NDE1: variants seen among roughly 807,000 people sequenced by gnomAD.
NDE1 encodes nuclear distribution protein nudE homolog 1.
Under a neutral mutation model 43.4 loss-of-function variants are expected in NDE1, and 28 were observed. The ratio of observed to expected loss-of-function variants is 0.65; its 90% confidence interval spans 0.48 to 0.89. The LOEUF is 0.89. Among genes scored for constraint, NDE1 ranks in the 40% least tolerant of loss-of-function variants. The probability of loss-of-function intolerance (pLI) is 0.00; values close to 1 mark genes in which losing one functional copy is unlikely to be tolerated. For synonymous variants in NDE1, 184 were observed against 172.0 expected, an observed-to-expected ratio of 1.07 and a Z score of -0.55; for missense variants, 441 against 434.1, an observed-to-expected ratio of 1.02 and a Z score of -0.14.
chr16:15,715,740 T>C (rs549044808), intron 8 of NDE1, among the ~76,000 whole-genome samples: 1 of 152,268 alleles, frequency 6.6e-6, no homozygotes, highest in East Asian at 1.9e-4. Flanking sequence ...CTTGAACTCC[T>C]GGCTCAAGCA....
At chr16:15,721,183 T>C (rs984762902) in intron 8 of NDE1, 2 of 1,058,928 alleles carry the variant, frequency 1.9e-6, no homozygotes, top group African/African-American at 3.1e-5. Flanking sequence ...TGGCCGGGAC[T>C]CAAGATGACC....
intron 2 of NDE1, 118 bp downstream of exon 2, chr16:15,664,979 T>C: frequency 1.3e-6 from 1 of 768,130 alleles, no homozygotes; most frequent in Non-Finnish European, 2.2e-6. Flanking sequence ...CACAGCCGCC[T>C]TAAACTCCTG....
intron 8 of NDE1, chr16:15,720,444 C>T: frequency 1.6e-6 from 2 of 1,277,846 alleles, no homozygotes; most frequent in Non-Finnish European, 2.2e-6. Flanking sequence ...TCCCCAGTTG[C>T]AGATGAGAAA....
chr16:15,650,414 G>A (rs368311870), intron 1 of NDE1, 120 bp downstream of exon 1: 2 of 162,166 alleles, frequency 1.2e-5, no homozygotes, highest in African/African-American at 4.8e-5. Flanking sequence ...GCCTGGCAGG[G>A]ACCCCTACGC....
In NDE1 at chr16:15,708,006, C is replaced by T. The variant is rs112651119; in HGVS notation, c.947+11146C>T. ...CAAAATCCCAGAGCAGCAGAGACCT[C>T]TTCATGCTTTCTTGGGAAGGGCCCT... On this transcript the variant is annotated intron_variant, in intron 8 of 8. Coordinates refer to ENST00000396354, the MANE Select transcript of NDE1 (RefSeq NM_017668.3). Among the ~76,000 whole-genome samples, 1,510 of 151,020 alleles carry T rather than the reference C, an allele frequency of 1.0e-2. 32 individuals carry two copies. Among genetic ancestry groups the T allele is most frequent in the African/African-American group, 0.034 (1,386 of 41,072 alleles).
At chr16:15,644,323 G>T (rs187688432) in intron 1 of NDE1, among the ~76,000 whole-genome samples, 1 of 152,310 alleles carries the variant, frequency 6.6e-6, no homozygotes, top group African/African-American at 2.4e-5. Flanking sequence ...CCATTACGTG[G>T]GGATTAACAC....
Position 15,721,034 on chromosome 16 carries a change from C to G in NDE1, c.948-3157C>G. 1 of 1,614,026 alleles carries G rather than the reference C, an allele frequency of 6.2e-7. No individual in the cohort carries two copies. Among genetic ancestry groups the G allele is most frequent in the Non-Finnish European group, 8.5e-7 (1 of 1,180,016 alleles). On this transcript the variant is annotated intron_variant, in intron 8 of 8. Coordinates refer to ENST00000396354, the MANE Select transcript of NDE1 (RefSeq NM_017668.3). The stretch of plus-strand genomic sequence containing the variant: ...TCTGGGTCTCCAGGGCCCGCTTGGA[C>G]TTCTCCAGCTCATGGACCTGCCGGC...
chr16:15,701,191 T>C (rs1180588), intron 8 of NDE1: 113,124 of 150,164 alleles, frequency 0.75, 42,886 homozygotes, highest in African/African-American at 0.85. Flanking sequence ...GAGCCAAGAT[T>C]GCGCTACTGT....
At chr16:15,698,077 C>T (rs975516798) in intron 8 of NDE1, among the ~76,000 whole-genome samples, 3 of 152,136 alleles carry the variant, frequency 2.0e-5, no homozygotes, top group Non-Finnish European at 2.9e-5. Flanking sequence ...GCTGGGATTA[C>T]AGGCGTGAGC....
rs1394529790 is a variant in NDE1, at chr16:15,725,147, AAAC to A, written c.*898_*900del. On this transcript the variant is annotated 3_prime_UTR_variant, in exon 9 of 9. Transcript: ENST00000396354. ...ATGGGACTCTGATAAAAAAAAAAAA[AAAC>A]ACACACACACACAAAAAAAACAGAA... The A allele has an allele frequency of 3.6e-3, 2,348 of 655,274 alleles. 40 individuals carry two copies. In the African/African-American group the frequency reaches 0.04, roughly 11 times the overall value. 40.6% of individuals were successfully genotyped at this position (655,274 alleles called of 1,614,324 possible). A position where few individuals can be genotyped will look rare whatever the true frequency, so the allele number is the denominator to read the frequency against.
At chr16:15,711,258 C>A (rs2039776496) in intron 8 of NDE1, 1 of 152,172 alleles carries the variant, frequency 6.6e-6, no homozygotes, top group Non-Finnish European at 1.5e-5. Flanking sequence ...TCCGGGCATG[C>A]CATCCGCTAA....
intron 3 of NDE1, among the ~76,000 whole-genome samples, chr16:15,671,329 C>T (rs1237920863): frequency 6.6e-6 from 1 of 151,944 alleles, no homozygotes; most frequent in African/African-American, 2.4e-5. Context: ...CATAGCGAGA[C>T]TCTGTCTCTA....
At chr16:15,652,055 G>A (rs373307418) in intron 1 of NDE1, 7 of 151,852 alleles carry the variant, frequency 4.6e-5, no homozygotes, top group African/African-American at 1.2e-4. Context: ...TTACAGGTGC[G>A]TGCCACCATG....
chr16:15,700,025 C>T (rs750128451), intron 8 of NDE1: 74 of 1,185,306 alleles, frequency 6.2e-5, no homozygotes, highest in Non-Finnish European at 7.8e-5. Flanking sequence ...TTCATCCTTA[C>T]CTGCCACCGT....
chr16:15,657,847 C>G (rs942858637), intron 1 of NDE1, among the ~76,000 whole-genome samples: 3 of 152,146 alleles, frequency 2.0e-5, no homozygotes, highest in Non-Finnish European at 4.4e-5. Flanking sequence ...AGTGATCTGT[C>G]TGCCTCGGCC....
At chr16:15,680,658 G>A (rs2038130462) in intron 4 of NDE1, among the ~76,000 whole-genome samples, 1 of 152,064 alleles carries the variant, frequency 6.6e-6, no homozygotes, top group South Asian at 2.1e-4. Flanking sequence ...TCCTGCCTCA[G>A]CCTCCCAAGT....
chr16:15,722,458 C>G (rs752016176), intron 8 of NDE1, among the ~76,000 whole-genome samples: 26 of 152,152 alleles, frequency 1.7e-4, no homozygotes, highest in Non-Finnish European at 3.2e-4. Flanking sequence ...AGCCAAACTT[C>G]CAGTATTCAG....
chr16:15,669,546 G>T (rs1416997997), intron 3 of NDE1, among the ~76,000 whole-genome samples: 1 of 151,926 alleles, frequency 6.6e-6, no homozygotes, highest in Non-Finnish European at 1.5e-5. Flanking sequence ...ATTTTTAGTA[G>T]AGATGGGGTT....
rs766965358 is a variant in NDE1, at chr16:15,720,318, C to T, written c.948-3873C>T. 30 of 1,613,104 alleles carry T rather than the reference C, an allele frequency of 1.9e-5. No homozygotes were observed. Among genetic ancestry groups the T allele is most frequent in the Middle Eastern group, 1.7e-4 (1 of 6,058 alleles). On this transcript the variant is annotated intron_variant, in intron 8 of 8. Transcript: ENST00000396354. ...TCCGTCTCATACTCGTGAAGCTGGG[C>T]GAGGAATAGAGATGTGTGCTGCCCC...
Sources: allele counts gnomAD v4.1 joint callset (sites outside exome capture counted in the v4.1 genomes callset), GRCh38; gene constraint gnomAD v4.1.1; transcripts MANE v1.5; gene names NCBI Gene and HGNC (gene_info 2026-07-23, HGNC 2026-07-21).